Variants in ROR2 observed in about 807,000 individuals in gnomAD.
The protein encoded by ROR2 is ROR family WNT receptor 2.
A neutral mutation model predicts 74.9 loss-of-function variants in ROR2; 33 were observed. The ratio of observed to expected loss-of-function variants is 0.44; its 90% confidence interval spans 0.33 to 0.59. ROR2 has a LOEUF of 0.59. Ranked by LOEUF, ROR2 falls within the 20% of genes least tolerant of loss-of-function variation. The probability of loss-of-function intolerance (pLI) is 0.02; values close to 1 mark genes in which losing one functional copy is unlikely to be tolerated. For synonymous variants in ROR2, 586 were observed against 558.7 expected (o/e 1.05, Z -0.69); for missense variants, 1,216 against 1,313.8 (o/e 0.93, Z 1.15).
intron 1 of ROR2, among the ~76,000 whole-genome samples, chr9:91,812,571 C>A (rs920759552): frequency 6.8e-6 from 1 of 147,486 alleles, no homozygotes; most frequent in Non-Finnish European, 1.5e-5. Context: ...CCACCCCCCC[C>A]ACACACACGT....
chr9:91,829,226 G>A (rs1211033922), intron 1 of ROR2, among the ~76,000 whole-genome samples: 1 of 152,182 alleles, frequency 6.6e-6, no homozygotes, highest in African/African-American at 2.4e-5. Context: ...TCTCAGAAGT[G>A]TATGGGCACA....
intron 1 of ROR2, among the ~76,000 whole-genome samples, chr9:91,800,547 T>C (rs887509056): frequency 1.3e-5 from 2 of 152,042 alleles, no homozygotes; most frequent in African/African-American, 2.4e-5. Context: ...AATTTCTTTG[T>C]GGCCCCTCTT....
chr9:91,909,863 T>TTAG lies in ROR2; in HGVS notation c.97+40003_97+40004insCTA, dbSNP rs1830927568. Among the ~76,000 whole-genome samples the TTAG allele has an allele frequency of 6.9e-5, 9 of 129,502 alleles. No homozygotes were observed. The South Asian group carries it at 1.9e-3, about 28-fold the overall frequency. 85.0% of individuals were successfully genotyped at this position (129,502 alleles called of 152,430 possible). A position where few individuals can be genotyped will look rare whatever the true frequency, so the allele number is the denominator to read the frequency against. On this transcript the variant is annotated intron_variant, in intron 1 of 8. Coordinates refer to ENST00000375708, the MANE Select transcript of ROR2 (RefSeq NM_004560.4). ...GTTTGTTTTGTTTTTTTTTTTTTTTTTTTTTTTTAGTTTTTTTCAATCAGA... is the reference window on the plus strand; with the variant it reads ...GTTTGTTTTGTTTTTTTTTTTTTTTTTAGTTTTTTTTAGTTTTTTTCAATCAGA...
intron 2 of ROR2, among the ~76,000 whole-genome samples, chr9:91,762,011 C>A (rs1234619414): frequency 6.6e-6 from 1 of 152,204 alleles, no homozygotes. Context: ...AGCCTTCTTT[C>A]TTGGCAATAA....
chr9:91,891,640 C>A (rs1397373483), intron 1 of ROR2, among the ~76,000 whole-genome samples: 1 of 152,192 alleles, frequency 6.6e-6, no homozygotes, highest in African/African-American at 2.4e-5. Context: ...TGTCCATATT[C>A]CGTTCCTTTT....
At chr9:91,867,512 G>A (rs72746232) in intron 1 of ROR2, among the ~76,000 whole-genome samples, 13,082 of 152,096 alleles carry the variant, frequency 0.086, 817 homozygotes, top group Non-Finnish European at 0.12. Flanking sequence ...GCCAAACAAG[G>A]GAACTAAAAC....
intron 1 of ROR2, among the ~76,000 whole-genome samples, chr9:91,909,847 G>GTTTTTTTTTGTT (rs1830918645): frequency 7.5e-5 from 4 of 53,598 alleles, no homozygotes; most frequent in Non-Finnish European, 9.3e-5. Flanking sequence ...GGTTTGTTTT[G>GTTTTTTTTTGTT]TTTTTTTTTT....
chr9:91,839,941 C>T (rs1481752848), intron 1 of ROR2, among the ~76,000 whole-genome samples: 2 of 152,138 alleles, frequency 1.3e-5, no homozygotes, highest in African/African-American at 4.8e-5. Context: ...GTGTTTCTTT[C>T]CATCACTCAC....
At chr9:91,851,894 T>C (rs145328850) in intron 1 of ROR2, among the ~76,000 whole-genome samples, 2,212 of 151,018 alleles carry the variant, frequency 0.015, 61 homozygotes, top group African/African-American at 0.051. Context: ...GAGAATCGCG[T>C]GAACCTGGGA....
In ROR2 at chr9:91,864,418, CAGGGG is replaced by C. The variant is rs562037130; in HGVS notation, c.97+85444_97+85448del. Reference sequence around the variant, plus strand: ...CAGGAACACGAGCCATGGACAGAGACAGGGGAGGGGATAAGGAGCACTGTCAACAC... The same window carrying C: ...CAGGAACACGAGCCATGGACAGAGACAGGGGATAAGGAGCACTGTCAACAC... On this transcript the variant is annotated intron_variant, in intron 1 of 8. Transcript: ENST00000375708. 9.0e-4 allele frequency among the ~76,000 whole-genome samples: 137 copies of C among 152,292 alleles called. 1 individual carries two copies. Among genetic ancestry groups the C allele is most frequent in the African/African-American group, 2.9e-3 (119 of 41,572 alleles).
chr9:91,906,281 G>C (rs1830815774), intron 1 of ROR2, among the ~76,000 whole-genome samples: 2 of 152,296 alleles, frequency 1.3e-5, no homozygotes, highest in Admixed American at 1.3e-4. Context: ...AGGATACCTG[G>C]AATGACAAAC....
intron 1 of ROR2, among the ~76,000 whole-genome samples, chr9:91,889,933 G>A (rs908140690): frequency 1.3e-5 from 2 of 152,104 alleles, no homozygotes; most frequent in African/African-American, 2.4e-5. Flanking sequence ...TAATATTAGC[G>A]GGGAGGGGGT....
At chr9:91,794,791 A>G (rs1008425648) in intron 1 of ROR2, among the ~76,000 whole-genome samples, 1 of 152,168 alleles carries the variant, frequency 6.6e-6, no homozygotes, top group East Asian at 1.9e-4. Flanking sequence ...TTCTGATTTT[A>G]ATGAGATTCT....
intron 1 of ROR2, among the ~76,000 whole-genome samples, chr9:91,899,312 G>A (rs1830613319): frequency 6.6e-6 from 1 of 152,214 alleles, no homozygotes; most frequent in African/African-American, 2.4e-5. Flanking sequence ...AGGCTGGGCA[G>A]TTGTGCAAAT....
chr9:91,793,152 A>C (rs933830521), intron 1 of ROR2, among the ~76,000 whole-genome samples: 7 of 152,238 alleles, frequency 4.6e-5, no homozygotes, highest in African/African-American at 1.7e-4. Flanking sequence ...TATAGACACG[A>C]AAGTCCAAGA....
intron 1 of ROR2, among the ~76,000 whole-genome samples, chr9:91,942,496 G>A (rs887973199): frequency 1.3e-5 from 2 of 152,094 alleles, no homozygotes; most frequent in Non-Finnish European, 2.9e-5. Flanking sequence ...AGTTATTGCT[G>A]TAAAATGTGA....
At chr9:91,935,600 G>T (rs1831662268) in intron 1 of ROR2, among the ~76,000 whole-genome samples, 1 of 152,182 alleles carries the variant, frequency 6.6e-6, no homozygotes, top group Non-Finnish European at 1.5e-5. Flanking sequence ...TTTTGCCCAG[G>T]TCCCTGTAAG....
chr9:91,814,193 A>G (rs1158870320), intron 1 of ROR2, among the ~76,000 whole-genome samples: 2 of 152,222 alleles, frequency 1.3e-5, no homozygotes, highest in Non-Finnish European at 2.9e-5. Context: ...GCCTCTGAAC[A>G]TAAGAATAAA....
chr9:91,933,390 T>A (rs941786245), intron 1 of ROR2, among the ~76,000 whole-genome samples: 3 of 151,434 alleles, frequency 2.0e-5, no homozygotes, highest in Admixed American at 6.6e-5. Context: ...AAAAAAAAAA[T>A]ATGTTTACAG....
Sources: gnomAD v4.1 joint callset for allele counts (sites outside exome capture counted in the v4.1 genomes callset) on GRCh38, gnomAD v4.1.1 for gene constraint, MANE v1.5 for transcripts, NCBI Gene and HGNC (gene_info 2026-07-23, HGNC 2026-07-21) for gene names.